PTPRT: variants seen among roughly 807,000 people sequenced by gnomAD.
PTPRT encodes the protein protein tyrosine phosphatase receptor type T, also known as receptor-type tyrosine-protein phosphatase T.
Under a neutral mutation model 176.8 loss-of-function variants are expected in PTPRT, and 56 were observed. The observed-to-expected ratio is 0.32, with a 90% confidence interval of 0.26 to 0.40. PTPRT has a LOEUF of 0.40. PTPRT is among the 10% of genes least tolerant of loss of function. The pLI, the probability that PTPRT is intolerant of heterozygous loss-of-function variation, is 1.00. For missense variants in PTPRT, 1,540 were observed against 1,908.2 expected (o/e 0.81, Z 3.60); for synonymous variants, 783 against 739.0 (o/e 1.06, Z -0.96).
intron 16 of PTPRT, among the ~76,000 whole-genome samples, chr20:42,192,773 C>T (rs1028700947): frequency 6.6e-6 from 1 of 152,152 alleles, no homozygotes; most frequent in Admixed American, 6.5e-5. Flanking sequence ...ATTCTTTGCT[C>T]CTCTCTCTCT....
At chr20:42,614,042 G>C (rs950591838) in intron 7 of PTPRT, among the ~76,000 whole-genome samples, 42 of 152,026 alleles carry the variant, frequency 2.8e-4, no homozygotes, top group African/African-American at 9.6e-4. Flanking sequence ...TCTAGAAACT[G>C]AAAGTCCAAG....
At chr20:42,677,777 A>C in intron 7 of PTPRT, 89 bp downstream of exon 7, 1 of 1,430,928 alleles carries the variant, frequency 7.0e-7, no homozygotes, top group Non-Finnish European at 9.5e-7. Flanking sequence ...AAAATTCGGA[A>C]TTATCTGTCA....
In PTPRT at chr20:42,701,328, C is replaced by G. The variant is rs1055604765; in HGVS notation, c.860-23169G>C. ...AAGGCAGGGAAGGTCACTGATGTAA[C>G]AGTAGGCATTAGTAACCCACACAAC... On this transcript the variant is annotated intron_variant, in intron 6 of 30. Coordinates refer to ENST00000373187, the MANE Select transcript of PTPRT (RefSeq NM_007050.6). Among the ~76,000 whole-genome samples, 16 of 152,260 alleles carry G rather than the reference C, an allele frequency of 1.1e-4. No individual in the cohort carries two copies. In the Middle Eastern group the frequency reaches 0.01, roughly 97 times the overall value.
intron 23 of PTPRT, among the ~76,000 whole-genome samples, chr20:42,109,034 G>GAGAT (rs112418064): frequency 0.13 from 20,096 of 152,112 alleles, 2,703 homozygotes; most frequent in African/African-American, 0.35. Flanking sequence ...TGATTGCTAT[G>GAGAT]AGATATAAAG....
intron 6 of PTPRT, among the ~76,000 whole-genome samples, chr20:42,690,201 A>G (rs1213336560): frequency 6.6e-6 from 1 of 152,116 alleles, no homozygotes; most frequent in African/African-American, 2.4e-5. Flanking sequence ...AGGCAATCAG[A>G]GAGGTCAAAA....
chr20:42,226,536 G>T (rs2056015641), intron 15 of PTPRT, among the ~76,000 whole-genome samples: 1 of 152,216 alleles, frequency 6.6e-6, no homozygotes. Flanking sequence ...AACATTGAGG[G>T]GCTTAACTAA....
rs2077768 is a variant in PTPRT at position 42,786,308 on chromosome 20, C to T, written c.486+4887G>A. Among the ~76,000 whole-genome samples, 1,468 of 152,304 alleles carry T rather than the reference C, an allele frequency of 9.6e-3. 87 individuals are homozygous for T. Among genetic ancestry groups the T allele is most frequent in the East Asian group, 0.072 (373 of 5,168 alleles). On this transcript the variant is annotated intron_variant, in intron 3 of 30. Transcript: ENST00000373187. Reference sequence around the variant, plus strand: ...TCTCTAATTTCATCTGCAGAAGGTCCTATCATACCTAATATCCTCTCCATT... The same window carrying T: ...TCTCTAATTTCATCTGCAGAAGGTCTTATCATACCTAATATCCTCTCCATT...
chr20:42,081,121 A>T lies in PTPRT; in HGVS notation c.4273-189T>A, dbSNP rs367674156. On this transcript the variant is annotated intron_variant, in intron 30 of 30. Transcript: ENST00000373187. The stretch of plus-strand genomic sequence containing the variant: ...AAAATTCTGCTTGATGCCTGCTTCT[A>T]CCCAAGCTTCCTCGAATGCCCAGCT... 5.3e-5 allele frequency among the ~76,000 whole-genome samples: 8 copies of T among 152,306 alleles called. No homozygotes were observed. The South Asian group carries it at 1.0e-3, about 20-fold the overall frequency.
In PTPRT at chr20:42,780,576, G is replaced by A. The variant is rs191188668; in HGVS notation, c.487-277C>T. Among the ~76,000 whole-genome samples, 418 of 152,192 alleles carry A rather than the reference G, an allele frequency of 2.7e-3. 3 individuals carry two copies. Among genetic ancestry groups the A allele is most frequent in the African/African-American group, 9.7e-3 (402 of 41,530 alleles). ...AAAACAACCCAAACACCGAGGTCTC[G>A]GAAACCCCAGTCTGCATCTTTCTCA... is the stretch of plus-strand genomic sequence containing the variant. On this transcript the variant is annotated intron_variant, in intron 3 of 30. Coordinates refer to ENST00000373187, the MANE Select transcript of PTPRT (RefSeq NM_007050.6).
intron 7 of PTPRT, among the ~76,000 whole-genome samples, chr20:42,618,339 C>T (rs1371070082): frequency 7.4e-6 from 1 of 134,940 alleles, no homozygotes; most frequent in Non-Finnish European, 1.5e-5. Flanking sequence ...TTTACATTTG[C>T]TGAGGAGTGC....
At chr20:42,622,428 G>A (rs2074216408) in intron 7 of PTPRT, among the ~76,000 whole-genome samples, 1 of 152,098 alleles carries the variant, frequency 6.6e-6, no homozygotes, top group Non-Finnish European at 1.5e-5. Context: ...TTTTAGTAGA[G>A]ACGGGGTTTC....
At chr20:42,694,275 T>G (rs2075838124) in intron 6 of PTPRT, among the ~76,000 whole-genome samples, 1 of 152,112 alleles carries the variant, frequency 6.6e-6, no homozygotes, top group African/African-American at 2.4e-5. Flanking sequence ...CCTGACCTCG[T>G]GATCCACCTG....
At chr20:42,125,711 T>C (rs1011445636) in intron 19 of PTPRT, among the ~76,000 whole-genome samples, 1 of 152,212 alleles carries the variant, frequency 6.6e-6, no homozygotes, top group African/African-American at 2.4e-5. Context: ...TTAACTTGCA[T>C]TTAAAGCAAT....
At chr20:42,780,807 A>C (rs1435466411) in intron 3 of PTPRT, among the ~76,000 whole-genome samples, 1 of 152,214 alleles carries the variant, frequency 6.6e-6, no homozygotes, top group Admixed American at 6.5e-5. Flanking sequence ...AATAAGTGGC[A>C]ATCTACCTGT....
At chr20:42,663,924 G>A (rs2075269385) in intron 7 of PTPRT, among the ~76,000 whole-genome samples, 1 of 152,096 alleles carries the variant, frequency 6.6e-6, no homozygotes, top group South Asian at 2.1e-4. Context: ...ATAATGCAGT[G>A]ATGATCTCTG....
intron 2 of PTPRT, among the ~76,000 whole-genome samples, chr20:42,883,728 A>AGACAGAT (rs1255555857): frequency 0.094 from 754 of 8,040 alleles, 17 homozygotes; most frequent in Middle Eastern, 0.5. Flanking sequence ...ACACCCATAC[A>AGACAGAT]CCCCCATACA....
chr20:42,249,429 C>G (rs1029699705), intron 13 of PTPRT, among the ~76,000 whole-genome samples: 7 of 152,198 alleles, frequency 4.6e-5, no homozygotes, highest in Non-Finnish European at 8.8e-5. Flanking sequence ...ATGCAACATG[C>G]TCTACCAGGT....
At chr20:42,549,390 A>G (rs1391922968) in intron 7 of PTPRT, among the ~76,000 whole-genome samples, 1 of 152,168 alleles carries the variant, frequency 6.6e-6, no homozygotes, top group Admixed American at 6.5e-5. Context: ...ATTTTTCCTG[A>G]ACACAAACAA....
At chr20:42,992,273 C>A (rs954229185) in intron 1 of PTPRT, among the ~76,000 whole-genome samples, 14 of 152,054 alleles carry the variant, frequency 9.2e-5, no homozygotes, top group Admixed American at 7.2e-4. Context: ...TAAATTGAAC[C>A]CGGACATTGA....
Sources: gnomAD v4.1 joint callset for allele counts (sites outside exome capture counted in the v4.1 genomes callset) on GRCh38, gnomAD v4.1.1 for gene constraint, MANE v1.5 for transcripts, NCBI Gene and HGNC (gene_info 2026-07-23, HGNC 2026-07-21) for gene names.